SLC2A9: variants seen among roughly 807,000 people sequenced by gnomAD.
The protein encoded by SLC2A9 is solute carrier family 2 member 9, also known as solute carrier family 2, facilitated glucose transporter member 9.
A neutral mutation model predicts 50.6 loss-of-function variants in SLC2A9; 39 were observed. The ratio of observed to expected loss-of-function variants is 0.77; its 90% CI spans 0.60 to 1.01. SLC2A9 has a LOEUF of 1.01. SLC2A9 is among the 50% of genes least tolerant of loss of function. The pLI, the probability that SLC2A9 is intolerant of heterozygous loss-of-function variation, is 0.00. For synonymous variants in SLC2A9, 324 were observed against 276.9 expected, an observed-to-expected ratio of 1.17 and a Z score of -1.69; for missense variants, 686 against 677.6, an observed-to-expected ratio of 1.01 and a Z score of -0.14.
chr4:10,020,579 G>T (rs976211321), intron 1 of SLC2A9, among the ~76,000 whole-genome samples: 1 of 152,192 alleles, frequency 6.6e-6, no homozygotes, highest in Non-Finnish European at 1.5e-5. Context: ...TGATGGAACA[G>T]AATCACATTT....
At chr4:10,007,112 TGTGA>T (rs1379265841) in intron 2 of SLC2A9, among the ~76,000 whole-genome samples, 3 of 152,254 alleles carry the variant, frequency 2.0e-5, no homozygotes, top group Non-Finnish European at 2.9e-5. Context: ...CAGTCATAGC[TGTGA>T]GTACTACCGC....
downstream of SLC2A9, among the ~76,000 whole-genome samples, chr4:9,774,959 A>T (rs1717354058): frequency 6.6e-6 from 1 of 151,808 alleles, no homozygotes; most frequent in Non-Finnish European, 1.5e-5. Context: ...TTCTCTCTCC[A>T]GCATCTACAC....
chr4:9,809,979 T>C (rs1456511712), intron 3 of SLC2A9, among the ~76,000 whole-genome samples: 5 of 152,048 alleles, frequency 3.3e-5, no homozygotes, highest in Non-Finnish European at 7.4e-5. Context: ...ACGAGTAACA[T>C]TTTGATGCTA....
chr4:9,995,948 C>T (rs964141733), intron 3 of SLC2A9: 3 of 152,442 alleles, frequency 2.0e-5, no homozygotes, highest in African/African-American at 7.2e-5. Flanking sequence ...ACTCTTTCCA[C>T]ACACTGCTCA....
chr4:10,022,332 A>G (rs1176890889), upstream of SLC2A9, among the ~76,000 whole-genome samples: 1 of 152,248 alleles, frequency 6.6e-6, no homozygotes, highest in Non-Finnish European at 1.5e-5. Flanking sequence ...AGCCTAGAAC[A>G]AAGGCGAGGG....
At chr4:9,962,510 T>C (rs1262253436) in intron 5 of SLC2A9, among the ~76,000 whole-genome samples, 1 of 151,964 alleles carries the variant, frequency 6.6e-6, no homozygotes, top group Non-Finnish European at 1.5e-5. Flanking sequence ...AAGTGGGAGC[T>C]GAAGAATGAG....
intron 1 of SLC2A9, among the ~76,000 whole-genome samples, chr4:10,029,824 T>C (rs1578390845): frequency 1.3e-5 from 2 of 151,810 alleles, no homozygotes; most frequent in East Asian, 3.9e-4. Flanking sequence ...TTAGTAGAGA[T>C]GGGGTTTCGC....
chr4:10,019,091 C>G lies in SLC2A9; in HGVS notation c.151-18G>C. The G allele has an allele frequency of 1.3e-6, 2 of 1,549,264 alleles. No homozygotes were observed. The highest frequency in any genetic ancestry group is 1.7e-6 in the Non-Finnish European group (2 of 1,145,232). On this transcript the variant is annotated intron_variant, in intron 1 of 11. Coordinates refer to ENST00000264784, the MANE Select transcript of SLC2A9 (RefSeq NM_020041.3). ...GACCAGTCCTGAGGGGAGAGGAAAC[C>G]ACGTCAGAGCCGGCACCGGGCGCGC...
At chr4:9,822,136 C>G (rs1054877054), downstream of SLC2A9, among the ~76,000 whole-genome samples, 1 of 152,134 alleles carries the variant, frequency 6.6e-6, no homozygotes, top group African/African-American at 2.4e-5. Context: ...CTTTTTCTCC[C>G]TCCATCTCCC....
rs80165046 is a variant in SLC2A9 at position 9,976,962 on chromosome 4, A to G, written c.681+3630T>C. Among the ~76,000 whole-genome samples the G allele has an allele frequency of 9.4e-3, 1,437 of 152,246 alleles. 27 individuals are homozygous for G. Among genetic ancestry groups the G allele is most frequent in the African/African-American group, 0.033 (1,386 of 41,534 alleles). On this transcript the variant is annotated intron_variant, in intron 5 of 11. Coordinates refer to ENST00000264784, the MANE Select transcript of SLC2A9 (RefSeq NM_020041.3). Reference sequence around the variant, plus strand: ...ATCTGGCTGATGTGCCAGACGCCTGAGAGTTATTTTTGACTCCTCCTCTCT... The same window carrying G: ...ATCTGGCTGATGTGCCAGACGCCTGGGAGTTATTTTTGACTCCTCCTCTCT...
At chr4:9,911,220 G>A (rs537535070) in intron 7 of SLC2A9, among the ~76,000 whole-genome samples, 218 of 152,154 alleles carry the variant, frequency 1.4e-3, no homozygotes, top group African/African-American at 5.0e-3. Context: ...GCAGAAATCA[G>A]TCCACAGATC....
chr4:9,853,637 C>G lies in SLC2A9; in HGVS notation c.1292-18629G>C, dbSNP rs75000454. Among the ~76,000 whole-genome samples the G allele has an allele frequency of 5.1e-3, 781 of 152,268 alleles. 5 individuals carry two copies. Among genetic ancestry groups the G allele is most frequent in the African/African-American group, 0.018 (745 of 41,556 alleles). On this transcript the variant is annotated intron_variant, in intron 10 of 11. Transcript: ENST00000264784. Reference sequence around the variant, plus strand: ...AGATATTTGGGACCTGAACTTAACACTGACCAAATGAACCTGACAGACATC... The same window carrying G: ...AGATATTTGGGACCTGAACTTAACAGTGACCAAATGAACCTGACAGACATC...
intron 1 of SLC2A9, among the ~76,000 whole-genome samples, chr4:9,774,100 T>A (rs765661094): frequency 9.9e-5 from 15 of 151,966 alleles, no homozygotes; most frequent in Non-Finnish European, 2.2e-4. Flanking sequence ...TTCAAGCGAT[T>A]CTTCTCCCTC....
chr4:9,903,345 C>T (rs574601295), intron 8 of SLC2A9, among the ~76,000 whole-genome samples: 14 of 151,842 alleles, frequency 9.2e-5, no homozygotes, highest in Non-Finnish European at 1.8e-4. Flanking sequence ...GAATGACTTC[C>T]TGTGAATTCT....
At position 9,881,963 on chromosome 4, in the gene SLC2A9, T is replaced by A. The variant is rs186353596; in HGVS notation, c.1291+5604A>T. Among the ~76,000 whole-genome samples, 9 of 152,352 alleles carry A rather than the reference T, an allele frequency of 5.9e-5. No homozygotes were observed. The East Asian group carries it at 1.7e-3, about 29-fold the overall frequency. ...CCTCAGTTAATTGTGAAGATCTGCA[T>A]GTGTCAGCACAGACTTCATTTCAAA... On this transcript the variant is annotated intron_variant, in intron 10 of 11. Transcript: ENST00000264784.
intron 3 of SLC2A9, among the ~76,000 whole-genome samples, chr4:9,807,706 C>A (rs1722309992): frequency 6.6e-6 from 1 of 152,170 alleles, no homozygotes; most frequent in Non-Finnish European, 1.5e-5. Context: ...GCCAGGTTAC[C>A]CCATGTGGAC....
chr4:9,968,402 A>G (rs1702761651), intron 5 of SLC2A9, among the ~76,000 whole-genome samples: 1 of 152,078 alleles, frequency 6.6e-6, no homozygotes, highest in African/African-American at 2.4e-5. Context: ...TTTCTCCTTC[A>G]ACTTCTTTGT....
At chr4:10,034,966 T>C (rs1241362651) in intron 1 of SLC2A9, 1 of 152,248 alleles carries the variant, frequency 6.6e-6, no homozygotes, top group Non-Finnish European at 1.5e-5. Context: ...TGCTGACCTT[T>C]GACCTGAAGG....
chr4:9,788,078 T>A (rs191470254), intron 3 of SLC2A9, among the ~76,000 whole-genome samples: 5 of 152,342 alleles, frequency 3.3e-5, no homozygotes, highest in Admixed American at 3.3e-4. Context: ...CAAATAGTGT[T>A]TTTAAAAAAA....
Sources: gnomAD v4.1 joint callset for allele counts (sites outside exome capture counted in the v4.1 genomes callset) on GRCh38, gnomAD v4.1.1 for gene constraint, MANE v1.5 for transcripts, NCBI Gene and HGNC (gene_info 2026-07-23, HGNC 2026-07-21) for gene names.